The following ITGA9 variants were observed in gnomAD, a reference collection of about 807,000 sequenced individuals.
ITGA9 encodes the protein integrin subunit alpha 9, also known as integrin alpha-9.
Under a neutral mutation model 127.8 loss-of-function variants are expected in ITGA9, and 56 were observed. The ratio of observed to expected loss-of-function variants is 0.44; its 90% confidence interval spans 0.35 to 0.55. ITGA9 has a LOEUF of 0.55. Among genes scored for constraint, ITGA9 ranks in the 20% least tolerant of loss-of-function variants. The pLI, the probability that ITGA9 is intolerant of heterozygous loss-of-function variation, is 0.00. For synonymous variants in ITGA9, 508 were observed against 514.5 expected (o/e 0.99, Z 0.17); for missense variants, 1,196 against 1,347.1 (o/e 0.89, Z 1.76).
rs533139061 is a variant in ITGA9, at chr3:37,665,337, T to C, written c.1916+11547T>C. 2.6e-5 allele frequency among the ~76,000 whole-genome samples: 4 copies of C among 152,284 alleles called. No homozygotes were observed. The East Asian group carries it at 7.7e-4, about 29-fold the overall frequency. ...GCTATAGGAATGGATTTCTCAATGG[T>C]ATATTCTTGAAAGAAAGGCAAAATG... is the stretch of plus-strand genomic sequence containing the variant. On this transcript the variant is annotated intron_variant, in intron 17 of 27. Coordinates refer to ENST00000264741, the MANE Select transcript of ITGA9 (RefSeq NM_002207.3).
intron 18 of ITGA9, among the ~76,000 whole-genome samples, chr3:37,684,377 G>A (rs1700761884): frequency 6.6e-6 from 1 of 152,216 alleles, no homozygotes; most frequent in Non-Finnish European, 1.5e-5. Context: ...CAGTAGTTGT[G>A]AAAGTAAGGG....
chr3:37,498,365 C>T (rs1006801166), intron 5 of ITGA9, among the ~76,000 whole-genome samples: 2 of 152,088 alleles, frequency 1.3e-5, no homozygotes, highest in Non-Finnish European at 2.9e-5. Flanking sequence ...CAGAACTCAA[C>T]GGAGATGTTG....
intron 17 of ITGA9, among the ~76,000 whole-genome samples, chr3:37,681,309 C>G (rs892247480): frequency 1.1e-4 from 16 of 152,162 alleles, no homozygotes; most frequent in Admixed American, 9.8e-4. Context: ...AAGTCTTAGT[C>G]CAGGGTTCCA....
intron 18 of ITGA9, among the ~76,000 whole-genome samples, chr3:37,715,874 A>G (rs762393322): frequency 2.0e-4 from 31 of 152,358 alleles, no homozygotes; most frequent in African/African-American, 4.6e-4. Flanking sequence ...CTTTCCTGCT[A>G]TCTTAGGCTG....
chr3:37,481,578 A>C lies in ITGA9; in HGVS notation c.515A>C (p.Lys172Thr), dbSNP rs1698555594. ...ATCATCCCCTCCAACCTCCAGGCCAAAGGCAGGACGCTGATCCCTTGCTAT... is the reference window on the plus strand; with the variant it reads ...ATCATCCCCTCCAACCTCCAGGCCACAGGCAGGACGCTGATCCCTTGCTAT... ...CYIIPSNLQA[K>T]GRTLIPCYEE... The change falls in exon 4 of 28, where the codon AAA becomes ACA. Residue 172 changes from lysine (K) to threonine (T), a missense_variant. Lys to Thr is a moderately conservative substitution (Grantham distance 78). Transcript: ENST00000264741. 6.2e-7 allele frequency: 1 copy of C among 1,614,020 alleles called. No individual in the cohort carries two copies.
At position 37,757,707 on chromosome 3, in the gene ITGA9, A is replaced by G. The variant is rs1330985952; in HGVS notation, c.2541+7138A>G. ...TTATTCACACAAAGATAAAATCTGA[A>G]TAAAATATGCATGAGGTTAAAAAAA... On this transcript the variant is annotated intron_variant, in intron 23 of 27. Coordinates refer to ENST00000264741, the MANE Select transcript of ITGA9 (RefSeq NM_002207.3). Among the ~76,000 whole-genome samples, 2 of 151,810 alleles carry G rather than the reference A, an allele frequency of 1.3e-5. 1 individual carries two copies. Among genetic ancestry groups the G allele is most frequent in the African/African-American group, 4.9e-5 (2 of 41,086 alleles).
rs546084846 is a variant in ITGA9, at chr3:37,803,933, G to A, written c.3000G>A (p.Leu1000=). 9 of 1,614,152 alleles carry A rather than the reference G, an allele frequency of 5.6e-6. No homozygotes were observed. The South Asian group carries it at 9.9e-5, about 18-fold the overall frequency. The change falls in exon 27 of 28, where the codon CTG becomes CTA. Residue 1000 remains leucine (L), a synonymous_variant. Transcript: ENST00000264741. The part of the protein sequence containing the change: ...GILIFLLLAV[L]LWKMGFFRRR... Reference sequence around the variant, plus strand: ...TCATCTTCCTGCTGCTGGCCGTGCTGCTCTGGAAGGTGAGTCTGGTGATTG... The same window carrying A: ...TCATCTTCCTGCTGCTGGCCGTGCTACTCTGGAAGGTGAGTCTGGTGATTG...
At chr3:37,727,058 G>A (rs190520624) in intron 18 of ITGA9, among the ~76,000 whole-genome samples, 312 of 152,286 alleles carry the variant, frequency 2.0e-3, no homozygotes, top group Non-Finnish European at 3.3e-3. Context: ...TTAACCTACA[G>A]TTGGGCAGAA....
chr3:37,684,544 T>C (rs7433340), intron 18 of ITGA9, among the ~76,000 whole-genome samples: 82,449 of 152,054 alleles, frequency 0.54, 22,650 homozygotes, highest in African/African-American at 0.64. Flanking sequence ...GCCACAATCT[T>C]GGCTCACTGC....
intron 17 of ITGA9, among the ~76,000 whole-genome samples, chr3:37,674,492 G>T (rs762351133): frequency 6.6e-6 from 1 of 152,190 alleles, no homozygotes; most frequent in Non-Finnish European, 1.5e-5. Flanking sequence ...ATCTTCTTCA[G>T]TTGGTCCCTA....
At chr3:37,479,921 C>T (rs1461062846) in intron 3 of ITGA9, among the ~76,000 whole-genome samples, 1 of 152,070 alleles carries the variant, frequency 6.6e-6, no homozygotes, top group Non-Finnish European at 1.5e-5. Context: ...CAGAGGTAGG[C>T]CATAAGAACG....
intron 14 of ITGA9, 152 bp downstream of exon 14, chr3:37,533,620 C>A: frequency 1.4e-6 from 1 of 702,170 alleles, no homozygotes; most frequent in Non-Finnish European, 2.5e-6. Flanking sequence ...AGGTTCCTCC[C>A]CTTCTATTTC....
chr3:37,669,914 T>C (rs1700621395), intron 17 of ITGA9, among the ~76,000 whole-genome samples: 1 of 152,174 alleles, frequency 6.6e-6, no homozygotes, highest in Non-Finnish European at 1.5e-5. Flanking sequence ...GGTGGGGAAC[T>C]GAAGACAGGT....
intron 4 of ITGA9, among the ~76,000 whole-genome samples, chr3:37,485,194 G>A (rs1162252455): frequency 5.3e-5 from 8 of 152,176 alleles, no homozygotes; most frequent in Admixed American, 4.6e-4. Flanking sequence ...GCATCCAAGT[G>A]CAAGGTGGCA....
chr3:37,593,572 G>T (rs752350981), intron 15 of ITGA9, among the ~76,000 whole-genome samples: 4 of 152,240 alleles, frequency 2.6e-5, no homozygotes, highest in Admixed American at 6.5e-5. Context: ...GAGAGAGGGA[G>T]AAAGCTCTCT....
intron 16 of ITGA9, among the ~76,000 whole-genome samples, chr3:37,638,102 A>G (rs1166938499): frequency 1.3e-5 from 2 of 152,194 alleles, no homozygotes; most frequent in African/African-American, 2.4e-5. Context: ...GGGGATCGTT[A>G]TGTGAGATAA....
rs150620076 is a variant in ITGA9, at chr3:37,712,223, C to G, written c.2068-20489C>G. 9.1e-3 allele frequency among the ~76,000 whole-genome samples: 1,379 copies of G among 152,332 alleles called. 18 individuals are homozygous for G. Among genetic ancestry groups the G allele is most frequent in the Non-Finnish European group, 0.013 (852 of 68,026 alleles). On this transcript the variant is annotated intron_variant, in intron 18 of 27. Transcript: ENST00000264741. ...CTGAGCCTCCCCCAGATGTGGGACACTCCTCAAGGGTTTCCAGGTGACCAC... is the reference window on the plus strand; with the variant it reads ...CTGAGCCTCCCCCAGATGTGGGACAGTCCTCAAGGGTTTCCAGGTGACCAC...
chr3:37,474,409 T>TA (rs1160107471), intron 3 of ITGA9, among the ~76,000 whole-genome samples: 6 of 152,248 alleles, frequency 3.9e-5, no homozygotes, highest in Non-Finnish European at 7.3e-5. Context: ...ACAGAAAGTT[T>TA]TATTAGACTC....
At chr3:37,770,960 A>C (rs547520110) in intron 23 of ITGA9, among the ~76,000 whole-genome samples, 6 of 152,354 alleles carry the variant, frequency 3.9e-5, no homozygotes, top group African/African-American at 1.4e-4. Context: ...GAAAACCCTC[A>C]GTACCTGCCT....
Sources: gnomAD v4.1 joint callset for allele counts (sites outside exome capture counted in the v4.1 genomes callset) on GRCh38, gnomAD v4.1.1 for gene constraint, MANE v1.5 for transcripts, NCBI Gene and HGNC (gene_info 2026-07-23, HGNC 2026-07-21) for gene names.